The following MBD5 variants were observed in gnomAD, a reference collection of about 807,000 sequenced individuals.
MBD5 encodes the protein methyl-CpG-binding domain protein 5.
In MBD5, 13 loss-of-function variants were observed where a neutral mutation model predicts 117.3. The ratio of observed to expected loss-of-function variants is 0.11; its 90% CI spans 0.07 to 0.18. The LOEUF (loss-of-function observed/expected upper bound fraction) is 0.18. Ranked by LOEUF, MBD5 falls within the 10% of genes least tolerant of loss-of-function variation. The probability of loss-of-function intolerance (pLI) is 1.00; values close to 1 mark genes in which losing one functional copy is unlikely to be tolerated. For missense variants in MBD5, 1,879 were observed against 2,093.8 expected, an observed-to-expected ratio of 0.90 and a Z score of 2.00; for synonymous variants, 727 against 766.4, an observed-to-expected ratio of 0.95 and a Z score of 0.85.
At chr2:148,464,834 GGT>G (rs1352785016) in intron 7 of MBD5, among the ~76,000 whole-genome samples, 2 of 151,218 alleles carry the variant, frequency 1.3e-5, no homozygotes, top group Non-Finnish European at 2.9e-5. Flanking sequence ...CAGGCATGGT[GGT>G]GGCTCATACC....
intron 3 of MBD5, among the ~76,000 whole-genome samples, chr2:148,293,065 C>T (rs1402219890): frequency 6.7e-6 from 1 of 149,800 alleles, no homozygotes; most frequent in Non-Finnish European, 1.5e-5. Context: ...CTAATCCCAA[C>T]ACTTTGAGAA....
At chr2:148,344,362 G>A (rs975253832) in intron 4 of MBD5, among the ~76,000 whole-genome samples, 3 of 152,040 alleles carry the variant, frequency 2.0e-5, no homozygotes, top group Non-Finnish European at 2.9e-5. Context: ...AAATGACATT[G>A]GTAGTTTGAT....
intron 1 of MBD5, among the ~76,000 whole-genome samples, chr2:148,023,069 C>T (rs1423773554): frequency 1.3e-5 from 2 of 150,950 alleles, no homozygotes; most frequent in Non-Finnish European, 3.0e-5. Flanking sequence ...CTTTCGCTCG[C>T]TCTCTCTCCC....
chr2:148,105,843 C>T (rs1696358261), intron 1 of MBD5, among the ~76,000 whole-genome samples: 1 of 151,886 alleles, frequency 6.6e-6, no homozygotes, highest in Non-Finnish European at 1.5e-5. Flanking sequence ...TCAAATATTG[C>T]TTTTGCTATA....
intron 1 of MBD5, among the ~76,000 whole-genome samples, chr2:148,046,420 T>C (rs1010429585): frequency 6.6e-6 from 1 of 152,178 alleles, no homozygotes; most frequent in South Asian, 2.1e-4. Context: ...GACTGAGTGG[T>C]TAGCAGTATA....
chr2:148,332,164 T>C (rs1284139772), intron 3 of MBD5, among the ~76,000 whole-genome samples: 1 of 152,128 alleles, frequency 6.6e-6, no homozygotes, highest in Non-Finnish European at 1.5e-5. Flanking sequence ...ATGCAAGCTA[T>C]AGACTTAGAT....
intron 2 of MBD5, among the ~76,000 whole-genome samples, chr2:148,219,125 TC>T (rs1699623875): frequency 6.6e-6 from 1 of 152,220 alleles, no homozygotes. Context: ...TTTATCCTTA[TC>T]CTATAAGCTT....
intron 3 of MBD5, among the ~76,000 whole-genome samples, chr2:148,240,421 G>GA (rs67526946): frequency 4.0e-5 from 6 of 148,610 alleles, no homozygotes; most frequent in African/African-American, 1.5e-4. Flanking sequence ...TATAATTAAA[G>GA]AAAAAAAAAA....
At chr2:148,335,864 AT>A (rs1158765298) in intron 3 of MBD5, among the ~76,000 whole-genome samples, 2 of 152,206 alleles carry the variant, frequency 1.3e-5, no homozygotes, top group African/African-American at 4.8e-5. Flanking sequence ...TGACTTCTAT[AT>A]TTTATGGATG....
chr2:148,166,498 CAG>C (rs1477515248), intron 1 of MBD5, among the ~76,000 whole-genome samples: 1 of 152,182 alleles, frequency 6.6e-6, no homozygotes, highest in Admixed American at 6.5e-5. Context: ...CAAAAATCTG[CAG>C]AAACTCAGAG....
intron 11 of MBD5, among the ~76,000 whole-genome samples, chr2:148,496,505 C>CA (rs1681706803): frequency 6.6e-6 from 1 of 152,204 alleles, no homozygotes. Context: ...GAGCCCAACA[C>CA]AGACTACATG....
At position 148,249,402 on chromosome 2, in the gene MBD5, T is replaced by A. The variant is rs567823717; in HGVS notation, c.-680+16007T>A. Among the ~76,000 whole-genome samples the A allele has an allele frequency of 7.2e-5, 11 of 152,254 alleles. No individual in the cohort carries two copies. In the East Asian group the frequency reaches 2.1e-3, roughly 29 times the overall value. ...ACTGCCATGAGTTCTTCAGTTATTG[T>A]TTTGGAAAAAACAATAAGTAAAATA... On this transcript the variant is annotated intron_variant, in intron 3 of 13. Transcript: ENST00000642680.
chr2:148,477,527 AAAACTT>A (rs1574470066), intron 8 of MBD5, among the ~76,000 whole-genome samples: 1 of 152,168 alleles, frequency 6.6e-6, no homozygotes, highest in East Asian at 1.9e-4. Flanking sequence ...CCCTCTTACT[AAAACTT>A]GAGAAAATAA....
At chr2:148,397,214 C>G (rs1369958186) in intron 4 of MBD5, among the ~76,000 whole-genome samples, 1 of 151,898 alleles carries the variant, frequency 6.6e-6, no homozygotes, top group Non-Finnish European at 1.5e-5. Flanking sequence ...TAAAAATTGT[C>G]AACCACCAGC....
chr2:148,187,220 A>G (rs1250306850), intron 2 of MBD5, among the ~76,000 whole-genome samples: 1 of 152,192 alleles, frequency 6.6e-6, no homozygotes, highest in Non-Finnish European at 1.5e-5. Flanking sequence ...CATACTAGCC[A>G]GTCCCCAAGT....
intron 4 of MBD5, among the ~76,000 whole-genome samples, chr2:148,422,064 C>T (rs1705625523): frequency 6.6e-6 from 1 of 152,212 alleles, no homozygotes; most frequent in African/African-American, 2.4e-5. Context: ...TATCTCCCAG[C>T]ACAGCATTCG....
intron 1 of MBD5, among the ~76,000 whole-genome samples, chr2:148,032,859 A>C (rs1485173271): frequency 6.6e-6 from 1 of 151,970 alleles, no homozygotes; most frequent in Non-Finnish European, 1.5e-5. Context: ...AAACCAGTCA[A>C]CGTAGTGTCA....
intron 1 of MBD5, among the ~76,000 whole-genome samples, chr2:148,043,317 G>C (rs1573945161): frequency 1.3e-5 from 2 of 151,652 alleles, no homozygotes; most frequent in South Asian, 4.2e-4. Context: ...GCCGGGCATG[G>C]TAACGGGCAC....
At chr2:148,312,734 GT>G (rs1416767102) in intron 3 of MBD5, among the ~76,000 whole-genome samples, 2 of 152,098 alleles carry the variant, frequency 1.3e-5, no homozygotes, top group Non-Finnish European at 2.9e-5. Flanking sequence ...AAGCATTCTG[GT>G]TTTTGGGATT....
Sources: allele counts gnomAD v4.1 joint callset (sites outside exome capture counted in the v4.1 genomes callset), GRCh38; gene constraint gnomAD v4.1.1; transcripts MANE v1.5; gene names NCBI Gene and HGNC (gene_info 2026-07-23, HGNC 2026-07-21).